The following DOCK8 variants were observed in gnomAD, a reference collection of about 807,000 sequenced individuals.
The protein encoded by DOCK8 is dedicator of cytokinesis protein 8.
In DOCK8, 141 loss-of-function variants were observed where a neutral mutation model predicts 245.6. That is an observed-to-expected ratio of 0.57 (90% confidence interval 0.50 to 0.66). The LOEUF is 0.66. DOCK8 is among the 30% of genes least tolerant of loss of function. The pLI is 0.00. For synonymous variants in DOCK8, 1,168 were observed against 970.2 expected (o/e 1.20, Z -3.79); for missense variants, 2,965 against 2,603.4 (o/e 1.14, Z -3.02).
chr9:456,807 T>G (rs1030257194), intron 46 of DOCK8: 1 of 152,210 alleles, frequency 6.6e-6, no homozygotes, highest in Non-Finnish European at 1.5e-5. Context: ...CCCGACCATT[T>G]AGATTTTTAA....
intron 3 of DOCK8, 132 bp downstream of exon 3, chr9:286,768 C>T (rs543202979): frequency 1.2e-4 from 103 of 873,736 alleles, no homozygotes; most frequent in Non-Finnish European, 1.8e-4. Context: ...ATGTGTGGGA[C>T]AGCTATATGA....
intron 4 of DOCK8, among the ~76,000 whole-genome samples, chr9:300,466 A>C (rs1345446240): frequency 6.6e-6 from 1 of 152,138 alleles, no homozygotes; most frequent in East Asian, 1.9e-4. Flanking sequence ...ACCAACTCCA[A>C]AGCCAGCAGA....
chr9:232,717 G>A (rs2047145438), intron 1 of DOCK8, among the ~76,000 whole-genome samples: 1 of 152,170 alleles, frequency 6.6e-6, no homozygotes, highest in Non-Finnish European at 1.5e-5. Flanking sequence ...ATGGTAGTTT[G>A]TATTTCTGTG....
chr9:400,421 C>T (rs1283088013), intron 26 of DOCK8, among the ~76,000 whole-genome samples: 3 of 58,834 alleles, frequency 5.1e-5, no homozygotes, highest in African/African-American at 6.4e-5. Flanking sequence ...ACCACCACCT[C>T]CACCATCACC....
chr9:403,930 G>GTA (rs1473554559), intron 26 of DOCK8, among the ~76,000 whole-genome samples: 3 of 76,894 alleles, frequency 3.9e-5, no homozygotes, highest in African/African-American at 1.1e-4. Flanking sequence ...ATATATATAT[G>GTA]TGTATATATA....
intron 42 of DOCK8, 126 bp from the exon 43 acceptor site, chr9:443,301 A>C (rs952101417): frequency 3.3e-6 from 3 of 906,294 alleles, no homozygotes; most frequent in African/African-American, 3.3e-5. Flanking sequence ...AGCTCAGAGG[A>C]ACTCTCAATA....
intron 43 of DOCK8, 89 bp from the exon 44 acceptor site, chr9:446,281 C>A: frequency 9.1e-7 from 1 of 1,101,796 alleles, no homozygotes; most frequent in Non-Finnish European, 1.4e-6. Context: ...GGTGCCGGCA[C>A]GCCGTGTTCC....
intron 1 of DOCK8, among the ~76,000 whole-genome samples, chr9:264,798 G>T (rs2047999037): frequency 6.6e-6 from 1 of 152,144 alleles, no homozygotes; most frequent in Admixed American, 6.5e-5. Flanking sequence ...TCAACTCCAG[G>T]AACTACTCAC....
At chr9:440,583 G>A (rs914894895) in intron 40 of DOCK8, among the ~76,000 whole-genome samples, 10 of 152,048 alleles carry the variant, frequency 6.6e-5, no homozygotes, top group African/African-American at 1.9e-4. Context: ...TCAACAAAAT[G>A]AATTAGAATC....
Position 464,245 on chromosome 9 carries a change from C to T in DOCK8, c.*26C>T. The T allele has an allele frequency of 3.1e-6, 5 of 1,600,166 alleles. No individual in the cohort carries two copies. Among genetic ancestry groups the T allele is most frequent in the Non-Finnish European group, 4.3e-6 (5 of 1,167,174 alleles). On this transcript the variant is annotated 3_prime_UTR_variant, in exon 48 of 48. Coordinates refer to ENST00000432829, the MANE Select transcript of DOCK8 (RefSeq NM_203447.4). ...GAAAAGCCATCTTCATTCGTGGAGA[C>T]TGTGGCCCTGCAACCCTGGAGAAGG...
intron 2 of DOCK8, chr9:277,035 C>T (rs998982080): frequency 2.1e-5 from 6 of 285,882 alleles, no homozygotes; most frequent in Non-Finnish European, 4.5e-5. Context: ...TCTTGAACTC[C>T]TGAGCTTCAG....
intron 1 of DOCK8, among the ~76,000 whole-genome samples, chr9:271,385 T>C (rs1186014608): frequency 2.0e-5 from 3 of 151,634 alleles, no homozygotes; most frequent in Non-Finnish European, 2.9e-5. Context: ...GTCATCATCC[T>C]TCCAGTATTG....
At chr9:235,386 A>T (rs1228895254) in intron 1 of DOCK8, among the ~76,000 whole-genome samples, 3 of 152,138 alleles carry the variant, frequency 2.0e-5, no homozygotes, top group Admixed American at 2.0e-4. Flanking sequence ...CTCAGATCTG[A>T]AGCTGTGTGC....
chr9:420,926 C>T (rs754493477), intron 31 of DOCK8, 23 bp from the exon 32 acceptor site: 6 of 1,614,150 alleles, frequency 3.7e-6, no homozygotes, highest in Non-Finnish European at 5.1e-6. Context: ...AAGGACATGT[C>T]CTCCTACCTC....
intron 33 of DOCK8, among the ~76,000 whole-genome samples, chr9:422,477 G>A (rs1366317027): frequency 1.3e-5 from 2 of 152,094 alleles, no homozygotes; most frequent in Non-Finnish European, 2.9e-5. Context: ...CTTTCAAATC[G>A]ATATTTCCTT....
At chr9:460,770 T>G (rs1179205999) in intron 46 of DOCK8, among the ~76,000 whole-genome samples, 2 of 152,246 alleles carry the variant, frequency 1.3e-5, no homozygotes, top group Non-Finnish European at 2.9e-5. Context: ...AGCTCTTCCT[T>G]GCCACATGCT....
At chr9:263,573 T>C (rs1487251372) in intron 1 of DOCK8, among the ~76,000 whole-genome samples, 1 of 152,248 alleles carries the variant, frequency 6.6e-6, no homozygotes, top group Non-Finnish European at 1.5e-5. Context: ...ACTTCTGTGT[T>C]TCCCTTTGGG....
chr9:329,588 C>G lies in DOCK8; in HGVS notation c.1044+1417C>G, dbSNP rs144629734. ...ATTGTTGTCAAACTTCAATGTGTCTCCTTTTCGTTGCAATATTACTTAGAC... is the reference window on the plus strand; with the variant it reads ...ATTGTTGTCAAACTTCAATGTGTCTGCTTTTCGTTGCAATATTACTTAGAC... On this transcript the variant is annotated intron_variant, in intron 9 of 47. Transcript: ENST00000432829. 3.4e-3 allele frequency among the ~76,000 whole-genome samples: 521 copies of G among 152,278 alleles called. 6 individuals carry two copies. The highest frequency in any genetic ancestry group is 9.7e-3 in the African/African-American group (402 of 41,564).
chr9:371,631 A>T (rs2053289824), intron 17 of DOCK8, 65 bp downstream of exon 17: 2 of 1,603,666 alleles, frequency 1.2e-6, no homozygotes, highest in Middle Eastern at 1.7e-4. Flanking sequence ...CCCTGCAGAG[A>T]TAAACAACCA....
Sources: allele counts gnomAD v4.1 joint callset (sites outside exome capture counted in the v4.1 genomes callset), GRCh38; gene constraint gnomAD v4.1.1; transcripts MANE v1.5; gene names NCBI Gene and HGNC (gene_info 2026-07-23, HGNC 2026-07-21).